INPP4A: variants seen among roughly 807,000 people sequenced by gnomAD.
The protein encoded by INPP4A is inositol polyphosphate-4-phosphatase type I A, also known as inositol polyphosphate-4-phosphatase, type I, 107kD.
A neutral mutation model predicts 119.8 loss-of-function variants in INPP4A; 33 were observed. That is an observed-to-expected ratio of 0.28 (90% CI 0.21 to 0.37). INPP4A has a LOEUF of 0.37. Among genes scored for constraint, INPP4A ranks in the 10% least tolerant of loss-of-function variants. The pLI is 1.00. For missense variants in INPP4A, 956 were observed against 1,289.9 expected (o/e 0.74, Z 3.97); for synonymous variants, 496 against 500.7 (o/e 0.99, Z 0.12).
At chr2:98,538,081 C>T (rs1690669836) in intron 8 of INPP4A, 107 bp downstream of exon 8, 1 of 738,534 alleles carries the variant, frequency 1.4e-6, no homozygotes, top group South Asian at 1.8e-5. Flanking sequence ...AGGGCAGGGC[C>T]TGCTGCTTGA....
chr2:98,528,344 T>C (rs896056686), intron 4 of INPP4A, among the ~76,000 whole-genome samples: 3 of 152,176 alleles, frequency 2.0e-5, no homozygotes, highest in Admixed American at 2.0e-4. Flanking sequence ...ATTGAGATTA[T>C]CCAGTCTGAG....
chr2:98,544,793 C>T (rs1327392514), intron 11 of INPP4A, among the ~76,000 whole-genome samples: 2 of 152,162 alleles, frequency 1.3e-5, no homozygotes, highest in African/African-American at 2.4e-5. Flanking sequence ...AACATGTGAA[C>T]CCATCCATAA....
intron 18 of INPP4A, 112 bp from the exon 19 acceptor site, chr2:98,564,528 C>T (rs1368747522): frequency 7.4e-7 from 1 of 1,342,428 alleles, no homozygotes; most frequent in Non-Finnish European, 1.0e-6. Context: ...CACTGAAGCC[C>T]CTTTGAGCAG....
rs1373529258 is a variant in INPP4A, at chr2:98,582,884, C to CT, written c.2787-4591dup. On this transcript the variant is annotated intron_variant, in intron 24 of 24. Coordinates refer to ENST00000409851, the MANE Select transcript of INPP4A (RefSeq NM_001134225.2). ...ATAAGTCAAACAGAAAGATCGCCTA[C>CT]TGCATACACCAGACACAGAAAGATC... 5.9e-5 allele frequency among the ~76,000 whole-genome samples: 9 copies of CT among 151,928 alleles called. No individual in the cohort carries two copies. In the East Asian group the frequency reaches 1.7e-3, roughly 29 times the overall value.
chr2:98,564,597 G>A, intron 18 of INPP4A, 43 bp from the exon 19 acceptor site: 1 of 1,610,822 alleles, frequency 6.2e-7, no homozygotes, highest in Non-Finnish European at 8.5e-7. Flanking sequence ...CATTTGGTGA[G>A]CAGGCACCTG....
chr2:98,576,850 T>C, intron 23 of INPP4A, 139 bp from the exon 24 acceptor site: 1 of 1,009,316 alleles, frequency 9.9e-7, no homozygotes. Context: ...GGAACAAAAT[T>C]GGAGCGTCTG....
chr2:98,449,112 G>C (rs1327715550), intron 1 of INPP4A, among the ~76,000 whole-genome samples: 1 of 152,136 alleles, frequency 6.6e-6, no homozygotes, highest in Non-Finnish European at 1.5e-5. Context: ...TCTATCTCAT[G>C]GAAAAGTTAC....
chr2:98,538,024 A>T, intron 8 of INPP4A, 50 bp downstream of exon 8: 1 of 1,250,168 alleles, frequency 8.0e-7, no homozygotes, highest in Non-Finnish European at 1.1e-6. Flanking sequence ...AAGGGAATTA[A>T]TCAGTAAAAA....
intron 7 of INPP4A, 99 bp downstream of exon 7, chr2:98,536,307 C>A (rs1245206585): frequency 2.3e-5 from 17 of 739,762 alleles, no homozygotes. Context: ...GAGCACCCTT[C>A]CCTTCCCAGA....
chr2:98,496,876 A>C (rs1017382737), intron 1 of INPP4A, among the ~76,000 whole-genome samples: 1 of 152,204 alleles, frequency 6.6e-6, no homozygotes, highest in Admixed American at 6.5e-5. Flanking sequence ...TCCTGGTTCT[A>C]CTGCTATCTG....
At chr2:98,458,274 T>G (rs28569147) in intron 1 of INPP4A, among the ~76,000 whole-genome samples, 2,351 of 151,868 alleles carry the variant, frequency 0.015, 68 homozygotes, top group African/African-American at 0.054. Context: ...AGCCCAGGAG[T>G]TCAAAGTTGC....
At chr2:98,584,597 C>T (rs1699741221) in intron 24 of INPP4A, among the ~76,000 whole-genome samples, 1 of 152,276 alleles carries the variant, frequency 6.6e-6, no homozygotes, top group African/African-American at 2.4e-5. Flanking sequence ...CACCTTTCTG[C>T]CCATGTGGGC....
Position 98,591,674 on chromosome 2 carries a change from G to A in INPP4A, c.*4066G>A, listed in dbSNP as rs1464215670. On this transcript the variant is annotated 3_prime_UTR_variant, in exon 25 of 25. Coordinates refer to ENST00000409851, the MANE Select transcript of INPP4A (RefSeq NM_001134225.2). ...GCACAATCTGGCTGCCCAGATCTAG[G>A]GGAGTTGTCCCAGGGAGGCTTTGCG... 1 of 152,236 alleles carries A rather than the reference G, an allele frequency of 6.6e-6. No homozygotes were observed. Among genetic ancestry groups the A allele is most frequent in the African/African-American group, 2.4e-5 (1 of 41,438 alleles). The allele number at this position is 152,236 out of a possible 1,614,324, so 9.4% of individuals were successfully genotyped here.
chr2:98,556,944 C>G (rs1295319043), intron 16 of INPP4A, among the ~76,000 whole-genome samples: 2 of 152,170 alleles, frequency 1.3e-5, no homozygotes, highest in Non-Finnish European at 2.9e-5. Flanking sequence ...TATTCATGTT[C>G]TCTTTTTTAT....
In INPP4A at chr2:98,573,261, G is replaced by A. The variant is rs144033028; in HGVS notation, c.2631+334G>A. Among the ~76,000 whole-genome samples, 5 of 152,330 alleles carry A rather than the reference G, an allele frequency of 3.3e-5. No homozygotes were observed. In the East Asian group the frequency reaches 9.6e-4, roughly 29 times the overall value. ...GCATCATTTAATAGGGTCAGAAGGA[G>A]GCCATGTGACCTTTCAGGTCTCTTT... On this transcript the variant is annotated intron_variant, in intron 23 of 24. Transcript: ENST00000409851.
Position 98,552,841 on chromosome 2 carries a change from A to G in INPP4A, c.1219A>G (p.Lys407Glu). Residue 407 changes from lysine (K) to glutamate (E), a missense_variant, in exon 14 of 25, where the codon AAG becomes GAG. Physicochemically the swap from Lys to Glu is moderately conservative, Grantham distance 56. Around this residue, in one of 2 missense-constraint regions of INPP4A, gnomAD observed 652 missense variants for 797.9 expected, o/e 0.82. Coordinates refer to ENST00000409851, the MANE Select transcript of INPP4A (RefSeq NM_001134225.2). ...CATACCCCAGGATGTTGTCAGAGCCAAGGAGATCATCGCCCAGATCAACAC... is the reference window on the plus strand; with the variant it reads ...CATACCCCAGGATGTTGTCAGAGCCGAGGAGATCATCGCCCAGATCAACAC... The part of the protein sequence containing the change: ...IYIPQDVVRA[K>E]EIIAQINTLK... 6.2e-7 allele frequency: 1 copy of G among 1,613,832 alleles called. No homozygotes were observed. Among genetic ancestry groups the G allele is most frequent in the Non-Finnish European group, 8.5e-7 (1 of 1,179,774 alleles).
At chr2:98,506,043 C>T (rs1274499430) in intron 1 of INPP4A, among the ~76,000 whole-genome samples, 2 of 152,192 alleles carry the variant, frequency 1.3e-5, no homozygotes, top group African/African-American at 4.8e-5. Flanking sequence ...AGAATCTGCT[C>T]TCATCCTAAA....
rs1318929006 is a variant in INPP4A at position 98,538,987 on chromosome 2, C to T, written c.670+6C>T. The T allele has an allele frequency of 5.7e-6, 9 of 1,581,376 alleles. No homozygotes were observed. In the East Asian group the frequency reaches 9.0e-5, roughly 16 times the overall value. On this transcript the variant is annotated splice_donor_region_variant and intron_variant, in intron 9 of 24. Transcript: ENST00000409851. ...GGACACTTTGCTGAAATCGGGTAAA[C>T]AGCTTCCTCCTTTGGTATTCTTGCC...
intron 1 of INPP4A, among the ~76,000 whole-genome samples, chr2:98,448,505 C>G (rs904944262): frequency 6.6e-6 from 1 of 152,012 alleles, no homozygotes; most frequent in African/African-American, 2.4e-5. Context: ...GTTTTTCTGT[C>G]TCTGTAGTGT....
Sources: gnomAD v4.1 joint callset for allele counts (sites outside exome capture counted in the v4.1 genomes callset) on GRCh38, gnomAD v4.1.1 for gene constraint, gnomAD v4.1.1 regional missense constraint, MANE v1.5 for transcripts, NCBI Gene and HGNC (gene_info 2026-07-23, HGNC 2026-07-21) for gene names.